The following N4BP1 variants were observed in gnomAD, a reference collection of about 807,000 sequenced individuals.
The protein encoded by N4BP1 is NEDD4 binding protein 1.
N4BP1 carries 21 observed loss-of-function variants against 70.9 expected under a neutral mutation model. The ratio of observed to expected loss-of-function variants is 0.30; its 90% CI spans 0.21 to 0.43. The LOEUF (loss-of-function observed/expected upper bound fraction) is 0.43, where lower values mean the gene tolerates loss of function less well. Among genes scored for constraint, N4BP1 ranks in the 20% least tolerant of loss-of-function variants. The pLI, the probability that N4BP1 is intolerant of heterozygous loss-of-function variation, is 1.00. For synonymous variants in N4BP1, 387 were observed against 394.6 expected (o/e 0.98, Z 0.23); for missense variants, 936 against 1,069.4 (o/e 0.88, Z 1.74).
rs533189531 is a variant in N4BP1 at position 48,598,063 on chromosome 16, A to G, written c.198+11712T>C. On this transcript the variant is annotated intron_variant, in intron 1 of 6. Coordinates refer to ENST00000262384, the MANE Select transcript of N4BP1 (RefSeq NM_153029.4). ...CTACCCAACTCCCTCTATAAATGCCAAGTGGAACATCCCAGACAAAGCAAC... is the reference window on the plus strand; with the variant it reads ...CTACCCAACTCCCTCTATAAATGCCGAGTGGAACATCCCAGACAAAGCAAC... 9.8e-5 allele frequency among the ~76,000 whole-genome samples: 15 copies of G among 152,338 alleles called. 1 individual carries two copies. The South Asian group carries it at 3.1e-3, about 32-fold the overall frequency.
At position 48,564,485 on chromosome 16, in the gene N4BP1, AACT is replaced by A. The variant is rs779946152; in HGVS notation, c.199-2044_199-2042del. On this transcript the variant is annotated intron_variant, in intron 1 of 6. Transcript: ENST00000262384. ...AAATCACTTTGCCATACTTGTGTGG[AACT>A]ACTTGTGAGTTCCCTATTCTGTTCC... 1.2e-4 allele frequency among the ~76,000 whole-genome samples: 18 copies of A among 152,300 alleles called. 1 individual carries two copies. In the South Asian group the frequency reaches 3.5e-3, roughly 30 times the overall value.
chr16:48,561,155 A>AACAGAAGGTGAAAGGCCATCAGTT lies in N4BP1; in HGVS notation c.1464_1487dup (p.Thr489_Val496dup). The AACAGAAGGTGAAAGGCCATCAGTT allele has an allele frequency of 6.2e-7, 1 of 1,614,022 alleles. No homozygotes were observed. Among genetic ancestry groups the AACAGAAGGTGAAAGGCCATCAGTT allele is most frequent in the Non-Finnish European group, 8.5e-7 (1 of 1,179,878 alleles). The stretch of plus-strand genomic sequence containing the variant: ...TGACTTCTTTGGGACTTGGAGAGGC[A>AACAGAAGGTGAAAGGCCATCAGTT]ACAGAAGGTGAAAGGCCATCAGTTT... On this transcript the variant is annotated inframe_insertion, in exon 2 of 7. Coordinates refer to ENST00000262384, the MANE Select transcript of N4BP1 (RefSeq NM_153029.4).
intron 1 of N4BP1, among the ~76,000 whole-genome samples, chr16:48,589,881 G>A (rs1380282489): frequency 6.6e-6 from 1 of 151,218 alleles, no homozygotes; most frequent in Non-Finnish European, 1.5e-5. Context: ...CTGGGTGTAG[G>A]TCGAAATAAC....
intron 1 of N4BP1, among the ~76,000 whole-genome samples, chr16:48,568,653 A>G (rs903267945): frequency 2.6e-5 from 4 of 152,196 alleles, no homozygotes; most frequent in Non-Finnish European, 5.9e-5. Context: ...TTTCTTCCCC[A>G]GCAAACTGAG....
chr16:48,581,297 T>G (rs1405875508), intron 1 of N4BP1, among the ~76,000 whole-genome samples: 2 of 151,390 alleles, frequency 1.3e-5, no homozygotes, highest in African/African-American at 4.9e-5. Flanking sequence ...CCACATATGA[T>G]AAATCTGCAA....
chr16:48,602,004 C>G (rs1964508623), intron 1 of N4BP1, among the ~76,000 whole-genome samples: 1 of 152,208 alleles, frequency 6.6e-6, no homozygotes, highest in African/African-American at 2.4e-5. Flanking sequence ...AGGCAGATCA[C>G]TCGAGGTCAG....
In N4BP1 at chr16:48,545,244, C is replaced by T. The variant is rs549879352; in HGVS notation, c.2333+903G>A. Among the ~76,000 whole-genome samples, 498 of 150,484 alleles carry T rather than the reference C, an allele frequency of 3.3e-3. 2 individuals are homozygous for T. The highest frequency in any genetic ancestry group is 0.011 in the African/African-American group (459 of 41,196). On this transcript the variant is annotated intron_variant, in intron 6 of 6. Transcript: ENST00000262384. ...CCTCACAAAGTGCTGGGATTACAGGCGTGAGCCACCAAACCCGGCTTTGTC... is the reference window on the plus strand; with the variant it reads ...CCTCACAAAGTGCTGGGATTACAGGTGTGAGCCACCAAACCCGGCTTTGTC...
rs1054757941 is a variant in N4BP1 at position 48,562,300 on chromosome 16, T to C, written c.343A>G (p.Ile115Val). The change falls in exon 2 of 7, where the codon ATT becomes GTT. Residue 115 changes from isoleucine to valine, a missense_variant. This residue lies in a region of N4BP1 where 187 missense variants were observed against 217.1 expected (regional missense o/e 0.86). Coordinates refer to ENST00000262384, the MANE Select transcript of N4BP1 (RefSeq NM_153029.4). ...DTCADLCILDIGLLGIRGSAE... is the reference protein window; with the variant it reads ...DTCADLCILDVGLLGIRGSAE... ...CTTCCTCTGATGCCAAGAAGGCCAA[T>C]GTCCAGAATGCAGAGGTCAGCACAA... 1.2e-5 allele frequency: 20 copies of C among 1,613,918 alleles called. No individual in the cohort carries two copies. Among genetic ancestry groups the C allele is most frequent in the Admixed American group, 1.7e-5 (1 of 59,992 alleles).
At chr16:48,590,341 G>A (rs993136501) in intron 1 of N4BP1, among the ~76,000 whole-genome samples, 11 of 152,130 alleles carry the variant, frequency 7.2e-5, no homozygotes, top group Admixed American at 3.3e-4. Flanking sequence ...ATCCCTGAAC[G>A]CTGGGGGAGA....
chr16:48,543,106 A>C lies in N4BP1; in HGVS notation c.2489T>G (p.Phe830Cys). ...ACTGGGGAGGGCTGGCAGCAGTGGGAAGTGGGGCTGCTGAGGGAGCCAGTG... is the reference window on the plus strand; with the variant it reads ...ACTGGGGAGGGCTGGCAGCAGTGGGCAGTGGGGCTGCTGAGGGAGCCAGTG... ...SSHWLPQQPH[F>C]PLLPALPSLQ... The change falls in exon 7 of 7, where the codon TTC becomes TGC. Residue 830 changes from phenylalanine to cysteine, a missense_variant. Physicochemically the swap from Phe to Cys is radical, Grantham distance 205. This residue lies in a region of N4BP1 where 229 missense variants were observed against 343.5 expected (regional missense o/e 0.67). Coordinates refer to ENST00000262384, the MANE Select transcript of N4BP1 (RefSeq NM_153029.4). 1 of 1,613,020 alleles carries C rather than the reference A, an allele frequency of 6.2e-7. No individual in the cohort carries two copies. Among genetic ancestry groups the C allele is most frequent in the Non-Finnish European group, 8.5e-7 (1 of 1,179,142 alleles).
chr16:48,553,011 C>T (rs1477209969), intron 3 of N4BP1, among the ~76,000 whole-genome samples: 2 of 152,168 alleles, frequency 1.3e-5, no homozygotes, highest in Non-Finnish European at 2.9e-5. Flanking sequence ...ACAGCCCCTT[C>T]ACCTATCTTC....
chr16:48,561,273 T>C lies in N4BP1; in HGVS notation c.1370A>G (p.Asn457Ser), dbSNP rs1221716973. 4 of 1,613,834 alleles carry C rather than the reference T, an allele frequency of 2.5e-6. No homozygotes were observed. In the African/African-American group the frequency reaches 4.0e-5, roughly 16 times the overall value. Reference sequence around the variant, plus strand: ...TGTTCTGAAAGTATTAATTCTACAATTTGAGGTACATGGTTTAGCTTCCAC... The same window carrying C: ...TGTTCTGAAAGTATTAATTCTACAACTTGAGGTACATGGTTTAGCTTCCAC... ...FKVEAKPCTS[N>S]CRINTFRTVP... Residue 457 changes from asparagine (N) to serine (S), a missense_variant, in exon 2 of 7, where the codon AAT becomes AGT. By Grantham distance (46) the Asn-to-Ser change is conservative. This residue lies in a region of N4BP1 where 515 missense variants were observed against 491.7 expected (regional missense o/e 1.05). Coordinates refer to ENST00000262384, the MANE Select transcript of N4BP1 (RefSeq NM_153029.4).
chr16:48,543,297 T>C, intron 6 of N4BP1, 36 bp from the exon 7 acceptor site: 1 of 1,437,866 alleles, frequency 7.0e-7, no homozygotes, highest in Non-Finnish European at 9.2e-7. Context: ...AGTTGGGTTA[T>C]AAGTAAACAA....
chr16:48,609,980 G>A lies in N4BP1; in HGVS notation c.-8C>T. ...CACCGCCCGGGCCGCCATGGCGGGC[G>A]CGGCCTCCCGCGGCGGCGCCGGGGG... On this transcript the variant is annotated 5_prime_UTR_variant, in exon 1 of 7. Coordinates refer to ENST00000262384, the MANE Select transcript of N4BP1 (RefSeq NM_153029.4). The A allele has an allele frequency of 3.4e-6, 4 of 1,192,784 alleles. No homozygotes were observed. Among genetic ancestry groups the A allele is most frequent in the Non-Finnish European group, 3.1e-6 (3 of 963,188 alleles). 73.9% of individuals were successfully genotyped at this position (1,192,784 alleles called of 1,614,324 possible). A position where few individuals can be genotyped will look rare whatever the true frequency, so the allele number is the denominator to read the frequency against.
chr16:48,561,403 C>G lies in N4BP1; in HGVS notation c.1240G>C (p.Val414Leu). ...PETNKTKNKGVYSSTNELTTD... is the reference protein window; with the variant it reads ...PETNKTKNKGLYSSTNELTTD... ...GTAAGCTCATTTGTGCTGCTATAAA[C>G]ACCTTTATTTTTGGTTTTGTTGGTC... The change falls in exon 2 of 7, where the codon GTT (valine) becomes CTT (leucine). Residue 414 changes from valine (V) to leucine (L), a missense_variant. By Grantham distance (32) the Val-to-Leu change is conservative (BLOSUM62 1). Around this residue, in one of 4 missense-constraint regions of N4BP1, gnomAD observed 515 missense variants for 491.7 expected, o/e 1.05. Transcript: ENST00000262384. The G allele has an allele frequency of 6.2e-7, 1 of 1,613,938 alleles. No homozygotes were observed.
chr16:48,567,581 A>G (rs542239867), intron 1 of N4BP1, among the ~76,000 whole-genome samples: 1 of 152,218 alleles, frequency 6.6e-6, no homozygotes, highest in South Asian at 2.1e-4. Flanking sequence ...AGCCTCCCAA[A>G]GTGCTGGGAT....
At position 48,560,983 on chromosome 16, in the gene N4BP1, A is replaced by G. The variant is rs1362825817; in HGVS notation, c.1660T>C (p.Ser554Pro). Reference sequence around the variant, plus strand: ...GAAAGGGTTGAGCAATTTGGCTTAGAATGAGGAGAACTACAACATCCTAAA... The same window carrying G: ...GAAAGGGTTGAGCAATTTGGCTTAGGATGAGGAGAACTACAACATCCTAAA... ...KRLGCCSSPH[S>P]KPNCSTLSPP... Residue 554 changes from serine to proline, a missense_variant, in exon 2 of 7, where the codon TCT (serine) becomes CCT (proline). Transcript: ENST00000262384. 1.9e-6 allele frequency: 3 copies of G among 1,613,998 alleles called. No individual in the cohort carries two copies. The highest frequency in any genetic ancestry group is 2.5e-6 in the Non-Finnish European group (3 of 1,179,876).
intron 2 of N4BP1, 123 bp downstream of exon 2, chr16:48,560,631 C>CCGA: frequency 7.6e-7 from 1 of 1,310,222 alleles, no homozygotes. Flanking sequence ...CCTCCACCAT[C>CCGA]CGACCCTAAG....
intron 1 of N4BP1, among the ~76,000 whole-genome samples, chr16:48,595,387 G>A (rs539145285): frequency 1.4e-5 from 2 of 140,908 alleles, no homozygotes; most frequent in South Asian, 4.5e-4. Flanking sequence ...AACCCAGGGG[G>A]CAGAGGTTGT....
Sources: gnomAD v4.1 joint callset for allele counts (sites outside exome capture counted in the v4.1 genomes callset) on GRCh38, gnomAD v4.1.1 for gene constraint, gnomAD v4.1.1 regional missense constraint, MANE v1.5 for transcripts, NCBI Gene and HGNC (gene_info 2026-07-23, HGNC 2026-07-21) for gene names.